Variants in GPC5 observed in about 807,000 individuals in gnomAD.
GPC5 encodes glypican 5, also known as glypican-5.
A neutral mutation model predicts 53.9 loss-of-function variants in GPC5; 47 were observed. That is an observed-to-expected ratio of 0.87 (90% CI 0.69 to 1.11). The LOEUF is 1.11. GPC5 is among the 50% of genes most tolerant of loss of function. GPC5 has a pLI of 0.00. For missense variants in GPC5, 748 were observed against 713.1 expected, an observed-to-expected ratio of 1.05 and a Z score of -0.56; for synonymous variants, 286 against 263.3, an observed-to-expected ratio of 1.09 and a Z score of -0.84.
At position 92,602,169 on chromosome 13, in the gene GPC5, T is replaced by A. The variant is rs1360166232; in HGVS notation, c.1562-264113T>A. Among the ~76,000 whole-genome samples the A allele has an allele frequency of 4.2e-5, 6 of 142,212 alleles. No individual in the cohort carries two copies. In the Admixed American group the frequency reaches 4.3e-4, roughly 10 times the overall value. 93.3% of individuals were successfully genotyped at this position (142,212 alleles called of 152,430 possible). A position where few individuals can be genotyped will look rare whatever the true frequency, so the allele number is the denominator to read the frequency against. On this transcript the variant is annotated intron_variant, in intron 7 of 7. Coordinates refer to ENST00000377067, the MANE Select transcript of GPC5 (RefSeq NM_004466.6). ...TATATATATACACACTATATACAAA[T>A]ACACACTATATATATTACATATATA...
chr13:92,820,165 C>T (rs765023666), intron 7 of GPC5, among the ~76,000 whole-genome samples: 2 of 152,144 alleles, frequency 1.3e-5, no homozygotes, highest in African/African-American at 2.4e-5. Context: ...GGTCTCAGAA[C>T]CACAAAACAC....
rs542863739 is a variant in GPC5, at chr13:91,965,190, A to C, written c.1401+57133A>C. Among the ~76,000 whole-genome samples the C allele has an allele frequency of 2.6e-5, 4 of 152,168 alleles. No individual in the cohort carries two copies. In the South Asian group the frequency reaches 8.3e-4, roughly 32 times the overall value. ...TGGCAAATGTATACATGTGTAAAAAACGTGCACGTTGTACACATGTACCCA... is the reference window on the plus strand; with the variant it reads ...TGGCAAATGTATACATGTGTAAAAACCGTGCACGTTGTACACATGTACCCA... On this transcript the variant is annotated intron_variant, in intron 6 of 7. Transcript: ENST00000377067.
At chr13:92,369,998 A>G (rs778647950) in intron 7 of GPC5, among the ~76,000 whole-genome samples, 10 of 152,244 alleles carry the variant, frequency 6.6e-5, no homozygotes, top group African/African-American at 7.2e-5. Context: ...AGACCACTTT[A>G]GTAATACTCT....
At chr13:92,241,834 T>C (rs1213263899) in intron 7 of GPC5, 1 of 152,200 alleles carries the variant, frequency 6.6e-6, no homozygotes, top group East Asian at 1.9e-4. Context: ...GCTCATATAC[T>C]AGCTCCTTAA....
chr13:91,819,196 C>T (rs2038451902), intron 5 of GPC5, among the ~76,000 whole-genome samples: 1 of 124,670 alleles, frequency 8.0e-6, no homozygotes, highest in African/African-American at 3.1e-5. Context: ...GTCTCACACT[C>T]TCGCCTGGGC....
At chr13:91,792,814 T>G (rs2037988538) in intron 5 of GPC5, among the ~76,000 whole-genome samples, 3 of 152,184 alleles carry the variant, frequency 2.0e-5, no homozygotes, top group Admixed American at 2.0e-4. Context: ...TGCATGTGGT[T>G]GCTACATTTT....
intron 7 of GPC5, among the ~76,000 whole-genome samples, chr13:92,226,676 G>T (rs2042488879): frequency 6.8e-6 from 1 of 147,686 alleles, no homozygotes. Context: ...CTCGGTCACT[G>T]CCACCTCTGC....
At chr13:91,557,758 C>A (rs2031039170) in intron 2 of GPC5, among the ~76,000 whole-genome samples, 1 of 152,094 alleles carries the variant, frequency 6.6e-6, no homozygotes, top group African/African-American at 2.4e-5. Context: ...GTAATAAATA[C>A]ATTGCAAGAA....
intron 2 of GPC5, among the ~76,000 whole-genome samples, chr13:91,552,783 T>A (rs972290073): frequency 6.6e-6 from 1 of 152,082 alleles, no homozygotes; most frequent in Non-Finnish European, 1.5e-5. Flanking sequence ...GTTAGGGCCA[T>A]TATGAACATG....
At chr13:92,228,628 T>G (rs1057473715) in intron 7 of GPC5, among the ~76,000 whole-genome samples, 4 of 152,282 alleles carry the variant, frequency 2.6e-5, no homozygotes, top group Admixed American at 2.6e-4. Context: ...GAATTAGAAA[T>G]CTATACCCAT....
chr13:91,487,961 A>G lies in GPC5; in HGVS notation c.325+39039A>G, dbSNP rs555030761. The stretch of plus-strand genomic sequence containing the variant: ...TTTTTTTTACGGGGATACTTACAAT[A>G]TGACTAAGGAGATAGATGTATAAAA... On this transcript the variant is annotated intron_variant, in intron 2 of 7. Transcript: ENST00000377067. Among the ~76,000 whole-genome samples, 69 of 151,004 alleles carry G rather than the reference A, an allele frequency of 4.6e-4. No homozygotes were observed. In the South Asian group the frequency reaches 0.013, roughly 28 times the overall value.
At chr13:91,596,737 T>G (rs750541077) in intron 2 of GPC5, among the ~76,000 whole-genome samples, 5 of 152,194 alleles carry the variant, frequency 3.3e-5, no homozygotes, top group Non-Finnish European at 5.9e-5. Context: ...GACCCTTCTG[T>G]GTACTCTCTC....
At chr13:92,332,315 G>A (rs2139236753) in intron 7 of GPC5, among the ~76,000 whole-genome samples, 1 of 152,240 alleles carries the variant, frequency 6.6e-6, no homozygotes, top group Non-Finnish European at 1.5e-5. Flanking sequence ...CGGTTTGATA[G>A]CTTATGTAAT....
At chr13:91,443,547 T>G (rs544853792) in intron 1 of GPC5, among the ~76,000 whole-genome samples, 2 of 152,236 alleles carry the variant, frequency 1.3e-5, no homozygotes, top group Non-Finnish European at 2.9e-5. Flanking sequence ...CTGGTAGTTA[T>G]TTGATAGCTT....
intron 6 of GPC5, among the ~76,000 whole-genome samples, chr13:91,920,926 CTTTTTT>C (rs869309251): frequency 6.2e-5 from 2 of 32,162 alleles, no homozygotes; most frequent in East Asian, 1.2e-3. Flanking sequence ...CTCTCTCTCT[CTTTTTT>C]TTTTTTTTTT....
At chr13:92,156,739 C>A (rs149043860) in intron 7 of GPC5, among the ~76,000 whole-genome samples, 3,095 of 152,186 alleles carry the variant, frequency 0.02, 50 homozygotes, top group Non-Finnish European at 0.033. Flanking sequence ...ATTTCCCAAT[C>A]ATTTTCATTT....
At chr13:92,848,815 G>T (rs1210777571) in intron 7 of GPC5, among the ~76,000 whole-genome samples, 1 of 152,138 alleles carries the variant, frequency 6.6e-6, no homozygotes, top group African/African-American at 2.4e-5. Flanking sequence ...AACATTAGGT[G>T]GAAAACTATG....
chr13:91,708,533 G>A (rs2036158025), intron 3 of GPC5, among the ~76,000 whole-genome samples: 1 of 152,154 alleles, frequency 6.6e-6, no homozygotes. Flanking sequence ...GCAGGGGACT[G>A]GGGAGTTACT....
chr13:92,522,942 G>T (rs1391014773), intron 7 of GPC5, among the ~76,000 whole-genome samples: 2 of 152,032 alleles, frequency 1.3e-5, no homozygotes, highest in African/African-American at 4.8e-5. Flanking sequence ...TAAAAACAAT[G>T]TTTTATGGAA....
Sources: gnomAD v4.1 joint callset for allele counts (sites outside exome capture counted in the v4.1 genomes callset) on GRCh38, gnomAD v4.1.1 for gene constraint, MANE v1.5 for transcripts, NCBI Gene and HGNC (gene_info 2026-07-23, HGNC 2026-07-21) for gene names.